Variants in FRMPD3 observed in about 807,000 individuals in gnomAD.
FRMPD3 encodes FERM and PDZ domain containing 3.
In FRMPD3, 42 loss-of-function variants were observed where a neutral mutation model predicts 97.9. That is an observed-to-expected ratio of 0.43 (90% CI 0.34 to 0.55). The LOEUF is 0.55. FRMPD3 is among the 20% of genes least tolerant of loss of function. The probability of loss-of-function intolerance (pLI) is 0.03; values close to 1 mark genes in which losing one functional copy is unlikely to be tolerated. For synonymous variants in FRMPD3, 577 were observed against 581.1 expected (o/e 0.99, Z 0.10); for missense variants, 1,303 against 1,457.7 (o/e 0.89, Z 1.73).
intron 1 of FRMPD3, among the ~76,000 whole-genome samples, chrX:107,493,177 C>CAA (rs60695168): frequency 0.046 from 2,335 of 50,801 alleles, 217 homozygotes; most frequent in African/African-American, 0.12. Context: ...GAGACCCTGT[C>CAA]AAAAAAAAAA....
intron 1 of FRMPD3, among the ~76,000 whole-genome samples, chrX:107,526,021 A>G (rs1353017673): frequency 9.0e-6 from 1 of 111,492 alleles, no homozygotes; most frequent in Non-Finnish European, 1.9e-5. Flanking sequence ...GGTTGCAGTG[A>G]GCCAAGATCG....
chrX:107,555,887 G>A (rs1055200085), intron 8 of FRMPD3, among the ~76,000 whole-genome samples: 2 of 111,712 alleles, frequency 1.8e-5, no homozygotes, highest in East Asian at 2.8e-4. Context: ...GAAATGACAA[G>A]GGCTAGAACC....
chrX:107,560,540 C>T, intron 9 of FRMPD3, 147 bp downstream of exon 9: 1 of 894,760 alleles, frequency 1.1e-6, no homozygotes. Context: ...ACTATGAAGC[C>T]CTAGAGCTAC....
intron 4 of FRMPD3, 174 bp from the exon 5 acceptor site, chrX:107,545,563 T>C: frequency 4.9e-6 from 2 of 406,733 alleles, no homozygotes; most frequent in Non-Finnish European, 8.5e-6. Context: ...ACCAATTACA[T>C]AGGGAAGCAT....
chrX:107,579,284 T>G (rs1923275369), intron 13 of FRMPD3, among the ~76,000 whole-genome samples: 1 of 111,973 alleles, frequency 8.9e-6, no homozygotes, highest in South Asian at 3.7e-4. Flanking sequence ...GCCTAAAGGA[T>G]GAAGTTAAAC....
intron 4 of FRMPD3, chrX:107,545,518 C>T: frequency 2.8e-6 from 1 of 359,084 alleles, no homozygotes; most frequent in Non-Finnish European, 4.8e-6. Flanking sequence ...TTCAATCTAC[C>T]CAAATTCAAT....
intron 9 of FRMPD3, 102 bp downstream of exon 9, chrX:107,560,495 G>A: frequency 9.6e-7 from 1 of 1,042,389 alleles, no homozygotes; most frequent in South Asian, 2.2e-5. Context: ...GTAGGACATG[G>A]GATGGGAGTG....
intron 1 of FRMPD3, among the ~76,000 whole-genome samples, chrX:107,451,134 A>C (rs889229477): frequency 1.8e-5 from 2 of 112,048 alleles, no homozygotes; most frequent in East Asian, 5.6e-4. Context: ...CCCAGATGAC[A>C]GCAAACGCCG....
At chrX:107,515,472 G>C (rs1162365363) in intron 1 of FRMPD3, among the ~76,000 whole-genome samples, 1 of 111,525 alleles carries the variant, frequency 9.0e-6, no homozygotes, top group Non-Finnish European at 1.9e-5. Flanking sequence ...GAGCAACTCT[G>C]CAGAGTGATA....
rs371522221 is a variant in FRMPD3 at position 107,602,479 on chromosome X, C to T, written c.4440C>T (p.Ala1480=). ...CCGAGGAGGTGTACCGGAAGCCTGCCGAGCTAGACGAGGACAGTGAGAGCA... is the reference window on the plus strand; with the variant it reads ...CCGAGGAGGTGTACCGGAAGCCTGCTGAGCTAGACGAGGACAGTGAGAGCA... ...SLPEEVYRKP[A]ELDEDSESSK... is the part of the protein sequence containing the mutation. The change falls in exon 15 of 15, where the codon GCC becomes GCT. Residue 1480 remains alanine (A), a synonymous_variant. Transcript: ENST00000683843. 3.6e-4 allele frequency: 439 copies of T among 1,210,246 alleles called. No homozygotes were observed. In the African/African-American group the frequency reaches 6.5e-3, roughly 18 times the overall value.
chrX:107,543,614 G>A (rs1186025445), intron 4 of FRMPD3, among the ~76,000 whole-genome samples: 2 of 109,961 alleles, frequency 1.8e-5, no homozygotes, highest in East Asian at 2.9e-4. Context: ...TCAGTAGTTC[G>A]AGACCAGCCT....
rs1483727644 is a variant in FRMPD3 at position 107,526,514 on chromosome X, C to G, written c.-7-68C>G. ...AGGGCCAGAACCCTAACTGGCATCT[C>G]TCCCTGCTGGTTCTGAGGCTTAGTT... On this transcript the variant is annotated intron_variant, in intron 1 of 14. Transcript: ENST00000683843. 6.7e-6 allele frequency: 7 copies of G among 1,038,993 alleles called. No individual in the cohort carries two copies. The East Asian group carries it at 1.9e-4, about 28-fold the overall frequency. The allele number at this position is 1,038,993 out of a possible 1,213,427, so 85.6% of individuals were successfully genotyped here.
At chrX:107,498,214 G>A (rs1414695598) in intron 1 of FRMPD3, among the ~76,000 whole-genome samples, 1 of 112,428 alleles carries the variant, frequency 8.9e-6, no homozygotes, top group African/African-American at 3.2e-5. Context: ...ACGCAGGCAG[G>A]CTGCTCCTGG....
chrX:107,533,547 T>A lies in FRMPD3; in HGVS notation c.294T>A (p.His98Gln), dbSNP rs771660154. Residue 98 changes from histidine to glutamine, a missense_variant, in exon 4 of 15, where the codon CAT (histidine) becomes CAA (glutamine). By Grantham distance (24) the His-to-Gln change is conservative (BLOSUM62 0). Transcript: ENST00000683843. ...TCGTTCTTACAGTTCTGCACACTCA[T>A]CAGGTGAGTGAGCCTCTTTGCCATC... is the stretch of plus-strand genomic sequence containing the variant. ...EFIVLTVLHT[H>Q]QSPKSAFISA... The A allele has an allele frequency of 1.2e-5, 14 of 1,201,075 alleles. No homozygotes were observed. The Admixed American group carries it at 3.1e-4, about 26-fold the overall frequency.
Position 107,603,626 on chromosome X carries a change from A to G in FRMPD3, c.*253A>G. 5.0e-6 allele frequency: 2 copies of G among 403,696 alleles called. No homozygotes were observed. The highest frequency in any genetic ancestry group is 4.0e-6 in the Non-Finnish European group (1 of 251,314). 33.3% of individuals were successfully genotyped at this position (403,696 alleles called of 1,213,427 possible). A position where few individuals can be genotyped will look rare whatever the true frequency, so the allele number is the denominator to read the frequency against. ...ACTGTGAGGGCAAAGGCCCCTCTTC[A>G]CTCTGCTCACAGCAGAGCTGTATTT... On this transcript the variant is annotated 3_prime_UTR_variant, in exon 15 of 15. Transcript: ENST00000683843.
chrX:107,456,188 C>A (rs927007951), intron 1 of FRMPD3, among the ~76,000 whole-genome samples: 3 of 109,942 alleles, frequency 2.7e-5, no homozygotes, highest in East Asian at 5.7e-4. Flanking sequence ...CTTAGCCTCT[C>A]GAGTTGCTAG....
chrX:107,507,197 A>C (rs1412865361), intron 1 of FRMPD3, among the ~76,000 whole-genome samples: 1 of 110,474 alleles, frequency 9.1e-6, no homozygotes, highest in Admixed American at 9.5e-5. Context: ...TCGGAAGCAG[A>C]CATCCATCTC....
intron 1 of FRMPD3, among the ~76,000 whole-genome samples, chrX:107,511,562 A>C (rs1005537035): frequency 1.8e-5 from 2 of 112,961 alleles, no homozygotes; most frequent in Non-Finnish European, 3.8e-5. Context: ...GCCTCACAGG[A>C]AGGAAGCAGA....
rs150331726 is a variant in FRMPD3 at position 107,504,997 on chromosome X, G to C, written c.-7-21585G>C. The stretch of plus-strand genomic sequence containing the variant: ...GTCATGGGCACTGCTGAGGGAGAAC[G>C]GTATTTCACAGAGCAGAGACTCCCA... On this transcript the variant is annotated intron_variant, in intron 1 of 14. Coordinates refer to ENST00000683843, the MANE Select transcript of FRMPD3 (RefSeq NM_001388459.1). Among the ~76,000 whole-genome samples the C allele has an allele frequency of 3.8e-3, 429 of 112,357 alleles. 2 individuals carry two copies. Among genetic ancestry groups the C allele is most frequent in the Middle Eastern group, 0.014 (3 of 217 alleles).
Sources: gnomAD v4.1 joint callset for allele counts (sites outside exome capture counted in the v4.1 genomes callset) on GRCh38, gnomAD v4.1.1 for gene constraint, MANE v1.5 for transcripts, NCBI Gene and HGNC (gene_info 2026-07-23, HGNC 2026-07-21) for gene names.